The following CDH4 variants were observed in gnomAD, a reference collection of about 807,000 sequenced individuals.
CDH4 encodes cadherin-4.
Under a neutral mutation model 86.0 loss-of-function variants are expected in CDH4, and 33 were observed. The observed-to-expected ratio is 0.38, with a 90% CI of 0.29 to 0.51. The LOEUF (loss-of-function observed/expected upper bound fraction) is 0.51. CDH4 is among the 20% of genes least tolerant of loss of function. The pLI, the probability that CDH4 is intolerant of heterozygous loss-of-function variation, is 0.86. For missense variants in CDH4, 1,114 were observed against 1,307.4 expected, an observed-to-expected ratio of 0.85 and a Z score of 2.28; for synonymous variants, 555 against 549.4, an observed-to-expected ratio of 1.01 and a Z score of -0.14.
chr20:61,636,094 G>A (rs993369726), intron 2 of CDH4, among the ~76,000 whole-genome samples: 1 of 152,244 alleles, frequency 6.6e-6, no homozygotes, highest in Non-Finnish European at 1.5e-5. Context: ...TCCACCGTGG[G>A]TCATTCTTCC....
In CDH4 at chr20:61,580,120, T is replaced by TGC. The variant is rs146706590; in HGVS notation, c.170-163443_170-163442insGC. On this transcript the variant is annotated intron_variant, in intron 2 of 15. Transcript: ENST00000614565. ...CTGGACTTACGGACTCTTACACTGC[T>TGC]ACAAAAAAAAAAAAGGAATCTGTAT... Among the ~76,000 whole-genome samples, 502 of 143,952 alleles carry TGC rather than the reference T, an allele frequency of 3.5e-3. 4 individuals carry two copies. The highest frequency in any genetic ancestry group is 0.013 in the African/African-American group (470 of 36,188). 94.4% of individuals were successfully genotyped at this position (143,952 alleles called of 152,430 possible).
At chr20:61,534,198 C>T (rs1427726454) in intron 2 of CDH4, among the ~76,000 whole-genome samples, 6 of 152,140 alleles carry the variant, frequency 3.9e-5, no homozygotes, top group Non-Finnish European at 5.9e-5. Flanking sequence ...ATTCTATTTG[C>T]ACTCTGCTAT....
At chr20:61,685,711 C>T (rs1357248985) in intron 2 of CDH4, among the ~76,000 whole-genome samples, 1 of 152,236 alleles carries the variant, frequency 6.6e-6, no homozygotes, top group African/African-American at 2.4e-5. Context: ...TCCCGCTGTC[C>T]GGACTCAGAG....
intron 2 of CDH4, among the ~76,000 whole-genome samples, chr20:61,313,132 G>T (rs1408986326): frequency 6.6e-6 from 1 of 152,306 alleles, no homozygotes; most frequent in South Asian, 2.1e-4. Flanking sequence ...TGTGCTATGC[G>T]GGCTCATCGA....
At chr20:61,530,900 A>G (rs1160714382) in intron 2 of CDH4, among the ~76,000 whole-genome samples, 1 of 152,110 alleles carries the variant, frequency 6.6e-6, no homozygotes, top group Non-Finnish European at 1.5e-5. Context: ...GGAGGTGCTG[A>G]ATACGTGTTG....
At chr20:61,309,085 T>C (rs929648217) in intron 2 of CDH4, among the ~76,000 whole-genome samples, 1 of 152,362 alleles carries the variant, frequency 6.6e-6, no homozygotes, top group East Asian at 1.9e-4. Context: ...AATTTCAATA[T>C]GGCAACGGCA....
chr20:61,580,372 T>C (rs2086416375), intron 2 of CDH4, among the ~76,000 whole-genome samples: 1 of 152,114 alleles, frequency 6.6e-6, no homozygotes, highest in African/African-American at 2.4e-5. Context: ...GGAGAATTGC[T>C]GGCCACCCGG....
chr20:61,301,938 T>A (rs995023637), intron 2 of CDH4, among the ~76,000 whole-genome samples: 18 of 152,262 alleles, frequency 1.2e-4, no homozygotes, highest in Non-Finnish European at 2.6e-4. Flanking sequence ...GTTTGGAAAT[T>A]ACATGCGCTT....
intron 7 of CDH4, among the ~76,000 whole-genome samples, chr20:61,887,021 A>G (rs567249119): frequency 4.6e-5 from 7 of 152,312 alleles, no homozygotes; most frequent in African/African-American, 1.7e-4. Context: ...GGCCCGCTAC[A>G]TGCAGATCAG....
chr20:61,783,074 G>A (rs905054064), intron 4 of CDH4, among the ~76,000 whole-genome samples: 9 of 152,290 alleles, frequency 5.9e-5, no homozygotes, highest in Non-Finnish European at 1.2e-4. Flanking sequence ...AACAGAGTGA[G>A]ACCTTGTTTC....
At chr20:61,837,830 C>G (rs760406140) in intron 4 of CDH4, among the ~76,000 whole-genome samples, 48 of 152,178 alleles carry the variant, frequency 3.2e-4, no homozygotes, top group Non-Finnish European at 6.5e-4. Context: ...CCTCCTCCTC[C>G]TCATGCTCTG....
chr20:61,661,087 G>GGGC (rs1015928068), intron 2 of CDH4, among the ~76,000 whole-genome samples: 6 of 141,846 alleles, frequency 4.2e-5, no homozygotes, highest in Admixed American at 3.4e-4. Context: ...GGCATGGCGG[G>GGGC]GGGGGGGGAG....
At chr20:61,833,074 A>T (rs1397043527) in intron 4 of CDH4, among the ~76,000 whole-genome samples, 1 of 152,118 alleles carries the variant, frequency 6.6e-6, no homozygotes, top group Non-Finnish European at 1.5e-5. Flanking sequence ...TCACCCTCAT[A>T]ATGGACTGAG....
At chr20:61,892,982 G>A (rs1235702722) in intron 7 of CDH4, among the ~76,000 whole-genome samples, 5 of 125,426 alleles carry the variant, frequency 4.0e-5, no homozygotes, top group South Asian at 3.0e-4. Context: ...GGATAGATGG[G>A]TGGATGGGTG....
intron 2 of CDH4, among the ~76,000 whole-genome samples, chr20:61,633,715 C>T (rs1264983824): frequency 6.6e-6 from 1 of 152,212 alleles, no homozygotes; most frequent in African/African-American, 2.4e-5. Flanking sequence ...GTGACAGGAG[C>T]ACCTGCCTCT....
chr20:61,903,100 C>T (rs1266166309), intron 8 of CDH4, among the ~76,000 whole-genome samples: 2 of 151,960 alleles, frequency 1.3e-5, no homozygotes, highest in African/African-American at 2.4e-5. Flanking sequence ...TCGTGTGCCA[C>T]GTGCCAGGCC....
At chr20:61,767,102 T>C (rs985498608) in intron 3 of CDH4, among the ~76,000 whole-genome samples, 8 of 152,154 alleles carry the variant, frequency 5.3e-5, no homozygotes, top group African/African-American at 1.9e-4. Context: ...AATGAGACTG[T>C]GTCTGGGAAG....
At chr20:61,575,384 A>G (rs2086375038) in intron 2 of CDH4, among the ~76,000 whole-genome samples, 1 of 152,218 alleles carries the variant, frequency 6.6e-6, no homozygotes, top group Admixed American at 6.5e-5. Flanking sequence ...GTTTTATGGC[A>G]GACACCATAA....
At chr20:61,362,308 G>A (rs1229571746) in intron 2 of CDH4, among the ~76,000 whole-genome samples, 1 of 152,148 alleles carries the variant, frequency 6.6e-6, no homozygotes, top group African/African-American at 2.4e-5. Context: ...GCAGGGAAGG[G>A]GAGAGCGGAG....
Sources: gnomAD v4.1 joint callset for allele counts (sites outside exome capture counted in the v4.1 genomes callset) on GRCh38, gnomAD v4.1.1 for gene constraint, MANE v1.5 for transcripts, NCBI Gene and HGNC (gene_info 2026-07-23, HGNC 2026-07-21) for gene names.